The following RFX3 variants were observed in gnomAD, a reference collection of about 807,000 sequenced individuals.
RFX3 encodes the protein regulatory factor X3.
Under a neutral mutation model 98.6 loss-of-function variants are expected in RFX3, and 14 were observed. That is an observed-to-expected ratio of 0.14 (90% CI 0.09 to 0.22). The LOEUF is 0.22. Ranked by LOEUF, RFX3 falls within the 10% of genes least tolerant of loss-of-function variation. RFX3 has a pLI of 1.00. For missense variants in RFX3, 639 were observed against 926.9 expected (o/e 0.69, Z 4.03); for synonymous variants, 383 against 328.4 (o/e 1.17, Z -1.80).
Position 3,369,995 on chromosome 9 carries a change from A to ATTT in RFX3, c.118-23234_118-23232dup, listed in dbSNP as rs71324244. 1.3e-3 allele frequency among the ~76,000 whole-genome samples: 169 copies of ATTT among 132,608 alleles called. 3 individuals carry two copies. Among genetic ancestry groups the ATTT allele is most frequent in the African/African-American group, 4.4e-3 (150 of 34,090 alleles). The allele number at this position is 132,608 out of a possible 152,430, so 87.0% of individuals were successfully genotyped here. ...AGGCGCCCGCCACTACGCCCGGCTA[A>ATTT]TTTTTTTTTTTTTTTTTTTGTATTT... On this transcript the variant is annotated intron_variant, in intron 2 of 16. Transcript: ENST00000617270.
chr9:3,366,693 C>CTTTCCTTTCTTTCTTTCTTT (rs1554681220), intron 2 of RFX3, among the ~76,000 whole-genome samples: 5 of 85,482 alleles, frequency 5.8e-5, no homozygotes, highest in African/African-American at 2.6e-4. Context: ...TTCTTTCTTT[C>CTTTCCTTTCTTTCTTTCTTT]CTTTCTTTCT....
At chr9:3,248,807 G>T (rs959278082) in intron 14 of RFX3, among the ~76,000 whole-genome samples, 1 of 151,978 alleles carries the variant, frequency 6.6e-6, no homozygotes, top group Non-Finnish European at 1.5e-5. Context: ...TTAGAAATAA[G>T]CACAATAAAA....
chr9:3,434,463 T>C, intron 1 of RFX3, among the ~76,000 whole-genome samples: 1 of 152,274 alleles, frequency 6.6e-6, no homozygotes, highest in South Asian at 2.1e-4. Flanking sequence ...GGTCTATGTA[T>C]ACACTACAAA....
chr9:3,497,123 T>C (rs1851167193), intron 1 of RFX3, among the ~76,000 whole-genome samples: 2 of 152,048 alleles, frequency 1.3e-5, no homozygotes, highest in African/African-American at 4.8e-5. Flanking sequence ...GTTTATGCCA[T>C]ACCTCGTGAT....
intron 13 of RFX3, among the ~76,000 whole-genome samples, chr9:3,262,559 G>C (rs1369960538): frequency 6.6e-6 from 1 of 152,194 alleles, no homozygotes; most frequent in African/African-American, 2.4e-5. Context: ...GACAGGTGTT[G>C]TAAGGTGGGG....
intron 1 of RFX3, among the ~76,000 whole-genome samples, chr9:3,409,623 T>G (rs1587556850): frequency 6.6e-6 from 1 of 152,218 alleles, no homozygotes; most frequent in Non-Finnish European, 1.5e-5. Context: ...TTAGACAAAA[T>G]GATAAATCAG....
At chr9:3,280,556 G>C (rs1825800368) in intron 7 of RFX3, among the ~76,000 whole-genome samples, 1 of 151,708 alleles carries the variant, frequency 6.6e-6, no homozygotes, top group East Asian at 1.9e-4. Context: ...CCCAAAGAAG[G>C]AGGGAGTTTA....
chr9:3,302,941 T>C (rs1473053187), intron 4 of RFX3, among the ~76,000 whole-genome samples: 3 of 151,912 alleles, frequency 2.0e-5, no homozygotes, highest in Non-Finnish European at 2.9e-5. Context: ...TAAAACATAA[T>C]ACTGAAAAGA....
chr9:3,524,143 A>T (rs1818986261), intron 1 of RFX3, among the ~76,000 whole-genome samples: 1 of 152,202 alleles, frequency 6.6e-6, no homozygotes, highest in African/African-American at 2.4e-5. Flanking sequence ...AATATGTGCA[A>T]CTACAATAGT....
At chr9:3,456,370 T>C (rs991086655) in intron 1 of RFX3, among the ~76,000 whole-genome samples, 1 of 152,238 alleles carries the variant, frequency 6.6e-6, no homozygotes, top group Non-Finnish European at 1.5e-5. Context: ...AAATTTTATG[T>C]TAATCAGTAT....
intron 7 of RFX3, among the ~76,000 whole-genome samples, chr9:3,287,795 T>C (rs189830230): frequency 3.9e-5 from 6 of 152,050 alleles, no homozygotes; most frequent in African/African-American, 1.2e-4. Context: ...ATGTGCAGAA[T>C]AGCAAGTCAG....
intron 2 of RFX3, among the ~76,000 whole-genome samples, chr9:3,370,396 C>G (rs899804871): frequency 1.3e-5 from 2 of 151,826 alleles, no homozygotes; most frequent in African/African-American, 4.8e-5. Flanking sequence ...CTTGCCTACT[C>G]TGTGGTTCAA....
intron 9 of RFX3, among the ~76,000 whole-genome samples, chr9:3,273,494 C>A (rs1824781629): frequency 1.3e-5 from 2 of 152,138 alleles, no homozygotes. Flanking sequence ...TTAGAATAAT[C>A]TTACTGTATG....
At position 3,221,691 on chromosome 9, in the gene RFX3, T is replaced by G. The variant is rs1817347965; in HGVS notation, c.*3351A>C. On this transcript the variant is annotated 3_prime_UTR_variant, in exon 17 of 17. Coordinates refer to ENST00000617270, the MANE Select transcript of RFX3 (RefSeq NM_001282116.2). ...AATTGGGCCCTGTCTTCCAAGGAGA[T>G]GGTTCATCCATTCCACCCTATTGTT... is the stretch of plus-strand genomic sequence containing the variant. 6.6e-6 allele frequency: 1 copy of G among 152,168 alleles called. No homozygotes were observed. Among genetic ancestry groups the G allele is most frequent in the Non-Finnish European group, 1.5e-5 (1 of 68,002 alleles). 9.4% of individuals were successfully genotyped at this position (152,168 alleles called of 1,614,324 possible). A position where few individuals can be genotyped will look rare whatever the true frequency, so the allele number is the denominator to read the frequency against.
At chr9:3,520,763 A>G (rs1453834101) in intron 1 of RFX3, among the ~76,000 whole-genome samples, 1 of 151,928 alleles carries the variant, frequency 6.6e-6, no homozygotes, top group Non-Finnish European at 1.5e-5. Context: ...GTAACCTGAA[A>G]CTCCTGGGCT....
intron 2 of RFX3, among the ~76,000 whole-genome samples, chr9:3,371,680 A>C (rs1451166737): frequency 6.6e-6 from 1 of 152,220 alleles, no homozygotes; most frequent in Non-Finnish European, 1.5e-5. Flanking sequence ...TCCAAGAAAG[A>C]GTAACATAAA....
intron 14 of RFX3, among the ~76,000 whole-genome samples, chr9:3,254,256 A>C (rs1416701071): frequency 6.6e-6 from 1 of 151,662 alleles, no homozygotes; most frequent in Non-Finnish European, 1.5e-5. Context: ...TTCTAAAATG[A>C]CATCAACTAA....
At chr9:3,307,801 C>A (rs1314613222) in intron 4 of RFX3, among the ~76,000 whole-genome samples, 9 of 152,190 alleles carry the variant, frequency 5.9e-5, no homozygotes, top group Admixed American at 5.9e-4. Context: ...ATCACATTAA[C>A]AAGAGGCCTT....
rs79176284 is a variant in RFX3, at chr9:3,325,919, A to T, written c.474+4340T>A. Among the ~76,000 whole-genome samples, 410 of 152,282 alleles carry T rather than the reference A, an allele frequency of 2.7e-3. 2 individuals carry two copies. Among genetic ancestry groups the T allele is most frequent in the African/African-American group, 9.5e-3 (393 of 41,564 alleles). On this transcript the variant is annotated intron_variant, in intron 4 of 16. Coordinates refer to ENST00000617270, the MANE Select transcript of RFX3 (RefSeq NM_001282116.2). Reference sequence around the variant, plus strand: ...TTATGTTGATATAGTTAGAAGACAGATGTATAATGAGTTCAGAATTATGAC... The same window carrying T: ...TTATGTTGATATAGTTAGAAGACAGTTGTATAATGAGTTCAGAATTATGAC...
Sources: gnomAD v4.1 joint callset for allele counts (sites outside exome capture counted in the v4.1 genomes callset) on GRCh38, gnomAD v4.1.1 for gene constraint, MANE v1.5 for transcripts, NCBI Gene and HGNC (gene_info 2026-07-23, HGNC 2026-07-21) for gene names.